The following CNTNAP2 variants were observed in gnomAD, a reference collection of about 807,000 sequenced individuals.
The protein encoded by CNTNAP2 is contactin-associated protein-like 2.
A neutral mutation model predicts 155.2 loss-of-function variants in CNTNAP2; 98 were observed. The ratio of observed to expected loss-of-function variants is 0.63; its 90% CI spans 0.54 to 0.75. The LOEUF (loss-of-function observed/expected upper bound fraction) is 0.75, where lower values mean the gene tolerates loss of function less well. Ranked by LOEUF, CNTNAP2 falls within the 30% of genes least tolerant of loss-of-function variation. CNTNAP2 has a pLI of 0.00. For missense variants in CNTNAP2, 1,727 were observed against 1,688.1 expected (o/e 1.02, Z -0.40); for synonymous variants, 651 against 631.2 (o/e 1.03, Z -0.47).
At chr7:147,500,853 C>CG (rs1554398729) in intron 11 of CNTNAP2, among the ~76,000 whole-genome samples, 1 of 152,006 alleles carries the variant, frequency 6.6e-6, no homozygotes, top group Non-Finnish European at 1.5e-5. Context: ...TTTGTTCTAT[C>CG]AAAAAATATC....
chr7:148,037,480 A>T (rs1802592510), intron 15 of CNTNAP2, among the ~76,000 whole-genome samples: 1 of 152,222 alleles, frequency 6.6e-6, no homozygotes, highest in Non-Finnish European at 1.5e-5. Context: ...AATAATAAAA[A>T]ATAAGCACAA....
intron 9 of CNTNAP2, among the ~76,000 whole-genome samples, chr7:147,354,981 A>T (rs1201863856): frequency 1.3e-5 from 2 of 152,080 alleles, no homozygotes; most frequent in African/African-American, 2.4e-5. Context: ...TTGCACACTG[A>T]TTTTGTACCC....
At chr7:147,942,059 T>C (rs1311459298) in intron 14 of CNTNAP2, among the ~76,000 whole-genome samples, 3 of 152,200 alleles carry the variant, frequency 2.0e-5, no homozygotes, top group Non-Finnish European at 1.5e-5. Flanking sequence ...GTGGCATCAG[T>C]TTTTCTCTTC....
At chr7:147,934,623 C>T (rs1181517332) in intron 14 of CNTNAP2, among the ~76,000 whole-genome samples, 3 of 152,158 alleles carry the variant, frequency 2.0e-5, no homozygotes, top group South Asian at 2.1e-4. Flanking sequence ...AGAGCCTATA[C>T]TTCAAGGTGT....
chr7:147,517,028 AT>A (rs574784224), intron 11 of CNTNAP2, among the ~76,000 whole-genome samples: 508 of 142,050 alleles, frequency 3.6e-3, no homozygotes, highest in African/African-American at 7.8e-3. Context: ...CACCCAGCTA[AT>A]TTTTTTTTTT....
intron 3 of CNTNAP2, among the ~76,000 whole-genome samples, chr7:146,961,772 G>A (rs984689361): frequency 6.6e-6 from 1 of 152,140 alleles, no homozygotes; most frequent in Admixed American, 6.5e-5. Flanking sequence ...ACAGTCTTGA[G>A]GTGCTCATGA....
chr7:146,147,295 C>T (rs1462487060), intron 1 of CNTNAP2, among the ~76,000 whole-genome samples: 3 of 152,114 alleles, frequency 2.0e-5, no homozygotes, highest in Non-Finnish European at 1.5e-5. Flanking sequence ...AGTAAGAAGA[C>T]TATCAATTAG....
At chr7:146,907,704 A>T (rs1414409313) in intron 3 of CNTNAP2, among the ~76,000 whole-genome samples, 3 of 150,872 alleles carry the variant, frequency 2.0e-5, no homozygotes, top group Non-Finnish European at 3.0e-5. Context: ...TCATGCCAAA[A>T]TGTAAAGACC....
intron 19 of CNTNAP2, among the ~76,000 whole-genome samples, chr7:148,226,748 A>C (rs1795859064): frequency 6.6e-6 from 1 of 152,214 alleles, no homozygotes; most frequent in South Asian, 2.1e-4. Flanking sequence ...GCCCCAAGGG[A>C]AGAATCAGGG....
intron 3 of CNTNAP2, among the ~76,000 whole-genome samples, chr7:146,947,408 C>T (rs7811491): frequency 8.1e-6 from 1 of 123,468 alleles, no homozygotes; most frequent in Non-Finnish European, 1.7e-5. Context: ...CTCTCTCTCT[C>T]TCTATATATA....
chr7:147,315,279 CT>C (rs1795204524), intron 9 of CNTNAP2, among the ~76,000 whole-genome samples: 4 of 104,954 alleles, frequency 3.8e-5, no homozygotes, highest in African/African-American at 1.8e-4. Context: ...AAGTGAATAA[CT>C]TGGTGTGATA....
chr7:147,553,542 T>G (rs1404632534), intron 11 of CNTNAP2, among the ~76,000 whole-genome samples: 4 of 152,164 alleles, frequency 2.6e-5, no homozygotes, highest in Non-Finnish European at 5.9e-5. Context: ...TCTAACAAAT[T>G]ATATATATTA....
chr7:147,394,748 C>T (rs1316541695), intron 9 of CNTNAP2, among the ~76,000 whole-genome samples: 8 of 150,920 alleles, frequency 5.3e-5, no homozygotes, highest in South Asian at 4.2e-4. Flanking sequence ...GCAATAAACT[C>T]TTAATGTCTG....
In CNTNAP2 at chr7:146,810,989, T is replaced by C. The variant is rs369753262; in HGVS notation, c.209-28722T>C. Among the ~76,000 whole-genome samples the C allele has an allele frequency of 1.1e-4, 17 of 152,332 alleles. No homozygotes were observed. In the East Asian group the frequency reaches 1.2e-3, roughly 10 times the overall value. ...CTTGCATCTCAAGGATAAATTCCAG[T>C]TGATCACAGTGTAGACCTTTTAAAT... On this transcript the variant is annotated intron_variant, in intron 2 of 23. Coordinates refer to ENST00000361727, the MANE Select transcript of CNTNAP2 (RefSeq NM_014141.6).
intron 12 of CNTNAP2, among the ~76,000 whole-genome samples, chr7:147,605,278 A>T (rs1008303754): frequency 6.6e-6 from 1 of 152,150 alleles, no homozygotes; most frequent in Non-Finnish European, 1.5e-5. Flanking sequence ...TATGAAATCA[A>T]CTGACAGTAG....
At chr7:147,640,189 G>C (rs1023437507) in intron 13 of CNTNAP2, among the ~76,000 whole-genome samples, 1 of 151,594 alleles carries the variant, frequency 6.6e-6, no homozygotes, top group African/African-American at 2.4e-5. Flanking sequence ...TAGTGCAATG[G>C]CTAAATCAAA....
chr7:146,403,538 C>A (rs1195792343), intron 1 of CNTNAP2, among the ~76,000 whole-genome samples: 1 of 152,032 alleles, frequency 6.6e-6, no homozygotes, highest in East Asian at 1.9e-4. Flanking sequence ...AATACATTTA[C>A]TTTTGGGGGG....
chr7:147,762,155 TCACACACACACACA>T (rs72526174), intron 13 of CNTNAP2, among the ~76,000 whole-genome samples: 1 of 144,348 alleles, frequency 6.9e-6, no homozygotes, highest in East Asian at 2.0e-4. Flanking sequence ...TCTCTCTGTC[TCACACACACACACA>T]CACACACACA....
intron 14 of CNTNAP2, among the ~76,000 whole-genome samples, chr7:147,915,350 C>T (rs559128275): frequency 6.6e-6 from 1 of 152,304 alleles, no homozygotes; most frequent in South Asian, 2.1e-4. Flanking sequence ...GATCTGAGTT[C>T]TGTGGAACTC....
Sources: allele counts gnomAD v4.1 joint callset (sites outside exome capture counted in the v4.1 genomes callset), GRCh38; gene constraint gnomAD v4.1.1; transcripts MANE v1.5; gene names NCBI Gene and HGNC (gene_info 2026-07-23, HGNC 2026-07-21).